Variants in PIGK observed in about 807,000 individuals in gnomAD.
PIGK encodes GPI-anchor transamidase.
A neutral mutation model predicts 50.6 loss-of-function variants in PIGK; 42 were observed. The ratio of observed to expected loss-of-function variants is 0.83; its 90% confidence interval spans 0.65 to 1.07. The LOEUF (loss-of-function observed/expected upper bound fraction) is 1.07. Among genes scored for constraint, PIGK ranks in the 50% least tolerant of loss-of-function variants. PIGK has a pLI of 0.00. For missense variants in PIGK, 448 were observed against 488.7 expected (o/e 0.92, Z 0.78); for synonymous variants, 151 against 156.0 (o/e 0.97, Z 0.24).
At chr1:77,108,156 C>T (rs1029169059) in intron 10 of PIGK, among the ~76,000 whole-genome samples, 1 of 152,118 alleles carries the variant, frequency 6.6e-6, no homozygotes, top group Non-Finnish European at 1.5e-5. Context: ...TTATTTCGCT[C>T]GTTAGTTGAT....
At chr1:77,129,819 A>G (rs1392760206) in intron 9 of PIGK, among the ~76,000 whole-genome samples, 1 of 152,160 alleles carries the variant, frequency 6.6e-6, no homozygotes, top group African/African-American at 2.4e-5. Flanking sequence ...TTGCTGGGTC[A>G]TAAGTTATGT....
intron 3 of PIGK, among the ~76,000 whole-genome samples, chr1:77,187,878 A>C (rs1418936973): frequency 6.6e-6 from 1 of 152,200 alleles, no homozygotes; most frequent in Non-Finnish European, 1.5e-5. Context: ...TAGTTCCCCA[A>C]ATTAATACTT....
At chr1:77,167,668 C>T (rs1655265570) in intron 4 of PIGK, among the ~76,000 whole-genome samples, 1 of 152,122 alleles carries the variant, frequency 6.6e-6, no homozygotes, top group Non-Finnish European at 1.5e-5. Context: ...TCACTTGAGC[C>T]CAGGAGTTCA....
intron 9 of PIGK, among the ~76,000 whole-genome samples, chr1:77,131,811 T>C (rs1402617619): frequency 2.0e-5 from 3 of 152,138 alleles, no homozygotes; most frequent in Non-Finnish European, 4.4e-5. Flanking sequence ...TTAAGATTTG[T>C]ACATCTGTGA....
chr1:77,104,714 C>T (rs1004539842), intron 10 of PIGK, among the ~76,000 whole-genome samples: 7 of 152,204 alleles, frequency 4.6e-5, no homozygotes, highest in Non-Finnish European at 8.8e-5. Context: ...CCTGTTTACT[C>T]AGCCCACCAT....
chr1:77,145,961 T>A (rs1274295836), intron 9 of PIGK, among the ~76,000 whole-genome samples: 1 of 152,156 alleles, frequency 6.6e-6, no homozygotes, highest in Non-Finnish European at 1.5e-5. Flanking sequence ...CAACTTATGA[T>A]GGAGTTATGT....
chr1:77,109,316 T>A (rs1028968733), intron 10 of PIGK, among the ~76,000 whole-genome samples: 1 of 152,134 alleles, frequency 6.6e-6, no homozygotes, highest in Non-Finnish European at 1.5e-5. Context: ...CAAAAGAGAA[T>A]TTTAGACCAA....
At chr1:77,208,193 T>A (rs962133753) in intron 2 of PIGK, among the ~76,000 whole-genome samples, 2 of 152,086 alleles carry the variant, frequency 1.3e-5, no homozygotes, top group African/African-American at 4.8e-5. Flanking sequence ...ACCACTGCAC[T>A]CCAGCCTGGG....
intron 9 of PIGK, among the ~76,000 whole-genome samples, chr1:77,152,770 A>C (rs1654921599): frequency 6.6e-6 from 1 of 152,154 alleles, no homozygotes; most frequent in Non-Finnish European, 1.5e-5. Flanking sequence ...GTATATGAAA[A>C]AATGCTCAAA....
intron 3 of PIGK, among the ~76,000 whole-genome samples, chr1:77,170,464 T>C (rs1453372945): frequency 6.6e-6 from 1 of 152,180 alleles, no homozygotes; most frequent in Non-Finnish European, 1.5e-5. Context: ...TCTTATTGTG[T>C]GTTTTATTTT....
chr1:77,117,717 TTG>T (rs1476316076), intron 10 of PIGK, among the ~76,000 whole-genome samples: 5 of 152,316 alleles, frequency 3.3e-5, no homozygotes, highest in Admixed American at 1.3e-4. Flanking sequence ...TCCTTCCAAA[TTG>T]TGTTACCACT....
At chr1:77,143,159 C>T (rs2100543974) in intron 9 of PIGK, among the ~76,000 whole-genome samples, 1 of 152,166 alleles carries the variant, frequency 6.6e-6, no homozygotes, top group East Asian at 1.9e-4. Flanking sequence ...ATACACTTTC[C>T]CCAATGATAA....
intron 3 of PIGK, chr1:77,195,410 G>C (rs1199858268): frequency 2.8e-6 from 3 of 1,089,766 alleles, no homozygotes; most frequent in Non-Finnish European, 1.3e-6. Flanking sequence ...TGAGAGCTTA[G>C]GGTGCTCACT....
intron 9 of PIGK, among the ~76,000 whole-genome samples, chr1:77,133,932 C>A (rs1443155325): frequency 2.0e-5 from 3 of 152,190 alleles, no homozygotes; most frequent in Non-Finnish European, 2.9e-5. Flanking sequence ...AAAAGCTGTA[C>A]TGATCACTCT....
intron 10 of PIGK, among the ~76,000 whole-genome samples, chr1:77,101,776 C>T (rs907477464): frequency 4.6e-5 from 7 of 152,062 alleles, no homozygotes; most frequent in East Asian, 3.9e-4. Context: ...GATGCCAAGG[C>T]GGGTGAATCA....
At chr1:77,097,013 C>T (rs58537083) in intron 10 of PIGK, among the ~76,000 whole-genome samples, 1,724 of 151,274 alleles carry the variant, frequency 0.011, 37 homozygotes, top group African/African-American at 0.04. Flanking sequence ...TTGGAACCAA[C>T]CCAAATGTCC....
chr1:77,192,559 T>C (rs968284193), intron 3 of PIGK, among the ~76,000 whole-genome samples: 1 of 152,140 alleles, frequency 6.6e-6, no homozygotes, highest in Admixed American at 6.5e-5. Flanking sequence ...AAGAAAAAAT[T>C]GGTTTAAACC....
rs202186126 is a variant in PIGK, at chr1:77,185,733, A to G, written c.240-16338T>C. ...TGCAAGCTGCTCTGCCACATGGGCC[A>G]TATGACACAGCAGATCCAATGGTGC... On this transcript the variant is annotated intron_variant, in intron 3 of 10. Transcript: ENST00000370812. Among the ~76,000 whole-genome samples the G allele has an allele frequency of 1.5e-4, 23 of 152,366 alleles. No homozygotes were observed. The East Asian group carries it at 3.9e-3, about 26-fold the overall frequency.
intron 9 of PIGK, among the ~76,000 whole-genome samples, chr1:77,142,703 A>G (rs1330511776): frequency 6.6e-6 from 1 of 152,106 alleles, no homozygotes; most frequent in East Asian, 1.9e-4. Context: ...AGACACTTAT[A>G]AAACCATCAG....
Sources: gnomAD v4.1 joint callset for allele counts (sites outside exome capture counted in the v4.1 genomes callset) on GRCh38, gnomAD v4.1.1 for gene constraint, MANE v1.5 for transcripts, NCBI Gene and HGNC (gene_info 2026-07-23, HGNC 2026-07-21) for gene names.